Variants in CHD2 observed in about 807,000 individuals in gnomAD.
CHD2 encodes chromodomain helicase DNA binding protein 2, also known as ATP-dependent chromatin remodeler CHD2.
CHD2 carries 28 observed loss-of-function variants against 243.9 expected under a neutral mutation model. The observed-to-expected ratio is 0.11, with a 90% CI of 0.09 to 0.16. CHD2 has a LOEUF of 0.16. Ranked by LOEUF, CHD2 falls within the 10% of genes least tolerant of loss-of-function variation. CHD2 has a pLI of 1.00. For missense variants in CHD2, 1,386 were observed against 2,209.8 expected (o/e 0.63, Z 7.47); for synonymous variants, 775 against 779.0 (o/e 0.99, Z 0.09).
intron 38 of CHD2, 88 bp from the exon 39 acceptor site, chr15:93,024,284 A>G (rs2054567256): frequency 1.1e-5 from 12 of 1,140,292 alleles, no homozygotes; most frequent in Non-Finnish European, 1.5e-5. Context: ...GAATATGAGT[A>G]TATGAGGAAG....
At chr15:92,950,981 A>G (rs140348486) in intron 13 of CHD2, among the ~76,000 whole-genome samples, 53 of 152,210 alleles carry the variant, frequency 3.5e-4, no homozygotes, top group African/African-American at 1.2e-3. Context: ...CTTAAAAATG[A>G]TTTTTCCTTT....
intron 16 of CHD2, among the ~76,000 whole-genome samples, chr15:92,962,140 A>G (rs966393013): frequency 1.3e-5 from 2 of 151,880 alleles, no homozygotes; most frequent in Non-Finnish European, 2.9e-5. Context: ...TTGGCCTGCC[A>G]AAGTGCTGGG....
chr15:92,914,734 C>T (rs1367137671), intron 2 of CHD2, among the ~76,000 whole-genome samples: 2 of 152,164 alleles, frequency 1.3e-5, no homozygotes, highest in South Asian at 2.1e-4. Flanking sequence ...CATTTCAACA[C>T]ATTGAGTATA....
At chr15:92,991,374 G>T in intron 26 of CHD2, 102 bp from the exon 27 acceptor site, 1 of 749,690 alleles carries the variant, frequency 1.3e-6, no homozygotes, top group South Asian at 2.2e-5. Context: ...CTCTATTTTT[G>T]ACAATTTGCA....
chr15:92,919,735 T>C (rs1329145926), intron 2 of CHD2, among the ~76,000 whole-genome samples: 1 of 152,192 alleles, frequency 6.6e-6, no homozygotes, highest in Non-Finnish European at 1.5e-5. Context: ...TTGCTGGTTT[T>C]GTGTAGGGTG....
rs145603157 is a variant in CHD2 at position 93,026,295 on chromosome 15, C to T, written c.*1590C>T. 261 of 152,796 alleles carry T rather than the reference C, an allele frequency of 1.7e-3. No homozygotes were observed. Among genetic ancestry groups the T allele is most frequent in the Middle Eastern group, 3.4e-3 (1 of 296 alleles). The allele number at this position is 152,796 out of a possible 1,614,324, so 9.5% of individuals were successfully genotyped here. A position where few individuals can be genotyped will look rare whatever the true frequency, so the allele number is the denominator to read the frequency against. On this transcript the variant is annotated 3_prime_UTR_variant, in exon 39 of 39. Transcript: ENST00000394196. ...GTGCAGGGTTAAACTCCTGAAGTAA[C>T]TTGTGAGGACTTCAGTGCTTGCTGG...
intron 25 of CHD2, among the ~76,000 whole-genome samples, chr15:92,985,267 T>C (rs1406406703): frequency 6.6e-6 from 1 of 152,246 alleles, no homozygotes; most frequent in Non-Finnish European, 1.5e-5. Context: ...AATATTCATA[T>C]ATTTTTAATC....
At chr15:92,930,080 T>G (rs1262680732) in intron 5 of CHD2, among the ~76,000 whole-genome samples, 1 of 152,218 alleles carries the variant, frequency 6.6e-6, no homozygotes, top group Non-Finnish European at 1.5e-5. Flanking sequence ...TTTGGAGAAA[T>G]AGTAACTGTA....
At chr15:92,993,187 G>A in intron 28 of CHD2, 189 bp downstream of exon 28, 1 of 566,996 alleles carries the variant, frequency 1.8e-6, no homozygotes, top group Middle Eastern at 4.9e-4. Context: ...AAATGAAGTT[G>A]ATTTGCAGAA....
intron 20 of CHD2, among the ~76,000 whole-genome samples, chr15:92,976,796 G>C (rs1026744253): frequency 1.3e-5 from 2 of 151,548 alleles, no homozygotes; most frequent in African/African-American, 4.8e-5. Flanking sequence ...AGCTGTTCAG[G>C]AGACAGGCAG....
intron 2 of CHD2, among the ~76,000 whole-genome samples, chr15:92,917,487 G>C (rs1471089194): frequency 6.6e-6 from 1 of 152,216 alleles, no homozygotes; most frequent in African/African-American, 2.4e-5. Flanking sequence ...CATGAACCCT[G>C]GAGGCGGAGG....
At chr15:92,956,760 C>A in intron 16 of CHD2, 111 bp downstream of exon 16, 2 of 1,001,044 alleles carry the variant, frequency 2.0e-6, no homozygotes, top group Non-Finnish European at 2.9e-6. Context: ...TTGGGGAAAG[C>A]AAAGCGTCAA....
intron 16 of CHD2, among the ~76,000 whole-genome samples, chr15:92,964,278 TAA>T (rs2053727150): frequency 1.3e-5 from 2 of 152,212 alleles, no homozygotes; most frequent in South Asian, 4.1e-4. Context: ...CATTTTCAAA[TAA>T]AGTTTCAAAA....
intron 2 of CHD2, among the ~76,000 whole-genome samples, chr15:92,903,259 T>A (rs569747413): frequency 6.6e-6 from 1 of 152,368 alleles, no homozygotes; most frequent in African/African-American, 2.4e-5. Flanking sequence ...GAACTGTCCC[T>A]GTAATTAGTA....
chr15:93,002,445 G>A (rs991827870), intron 33 of CHD2, 128 bp downstream of exon 33: 1 of 1,422,036 alleles, frequency 7.0e-7, no homozygotes, highest in African/African-American at 1.5e-5. Flanking sequence ...AAGAAGGATG[G>A]GTGGGGCCGT....
chr15:92,996,290 G>C (rs1032472935), intron 28 of CHD2, among the ~76,000 whole-genome samples: 12 of 151,250 alleles, frequency 7.9e-5, no homozygotes, highest in Non-Finnish European at 1.2e-4. Flanking sequence ...CTCACGAGTG[G>C]CTGGGACTAC....
intron 28 of CHD2, among the ~76,000 whole-genome samples, chr15:92,996,262 C>G (rs1373031748): frequency 6.6e-6 from 1 of 151,344 alleles, no homozygotes; most frequent in Admixed American, 6.6e-5. Context: ...TGGGTTCACA[C>G]CATTCTCCTG....
intron 37 of CHD2, among the ~76,000 whole-genome samples, 171 bp from the exon 38 acceptor site, chr15:93,019,841 C>G (rs181675540): frequency 1.3e-5 from 2 of 151,254 alleles, no homozygotes; most frequent in African/African-American, 2.4e-5. Context: ...GGCTGAGGCA[C>G]GAGAATCGCT....
At chr15:93,017,707 C>T (rs1596460044) in intron 37 of CHD2, among the ~76,000 whole-genome samples, 1 of 152,190 alleles carries the variant, frequency 6.6e-6, no homozygotes, top group Non-Finnish European at 1.5e-5. Context: ...AATTCTGCTA[C>T]AAGCTACCCT....
Sources: gnomAD v4.1 joint callset for allele counts (sites outside exome capture counted in the v4.1 genomes callset) on GRCh38, gnomAD v4.1.1 for gene constraint, MANE v1.5 for transcripts, NCBI Gene and HGNC (gene_info 2026-07-23, HGNC 2026-07-21) for gene names.